Variants in TMEM63C observed in about 807,000 individuals in gnomAD.
The protein encoded by TMEM63C is osmosensitive cation channel TMEM63C.
In TMEM63C, 32 loss-of-function variants were observed where a neutral mutation model predicts 99.2. That is an observed-to-expected ratio of 0.32 (90% CI 0.24 to 0.43). TMEM63C has a LOEUF of 0.43. Ranked by LOEUF, TMEM63C falls within the 20% of genes least tolerant of loss-of-function variation. The pLI, the probability that TMEM63C is intolerant of heterozygous loss-of-function variation, is 1.00. For synonymous variants in TMEM63C, 376 were observed against 397.9 expected (o/e 0.94, Z 0.66); for missense variants, 826 against 1,053.0 (o/e 0.78, Z 2.98).
intron 1 of TMEM63C, among the ~76,000 whole-genome samples, chr14:77,194,133 ATATC>A (rs943925567): frequency 2.5e-4 from 38 of 152,378 alleles, no homozygotes; most frequent in African/African-American, 7.9e-4. Context: ...AATAACCTAA[ATATC>A]AATCAACAAG....
In TMEM63C at chr14:77,194,531, TTCTTTCTTTCTTTCTTTCTTTCTC is replaced by T. The variant is rs1566616272; in HGVS notation, c.-77+12639_-77+12662del. 1.3e-3 allele frequency among the ~76,000 whole-genome samples: 56 copies of T among 43,488 alleles called. 1 individual carries two copies. Among genetic ancestry groups the T allele is most frequent in the African/African-American group, 6.1e-3 (53 of 8,674 alleles). The allele number at this position is 43,488 out of a possible 152,430, so 28.5% of individuals were successfully genotyped here. ...TTTCTTTCTTTCTTTCTTTCTTTCTTTCTTTCTTTCTTTCTTTCTTTCTCTTTCTTTCTTTCTGTCTTTCTTTCT... is the reference window on the plus strand; with the variant it reads ...TTTCTTTCTTTCTTTCTTTCTTTCTTTTTCTTTCTTTCTGTCTTTCTTTCT... On this transcript the variant is annotated intron_variant, in intron 1 of 23. Transcript: ENST00000298351.
intron 23 of TMEM63C, 32 bp downstream of exon 23, chr14:77,253,408 G>A: frequency 6.3e-7 from 1 of 1,580,724 alleles, no homozygotes; most frequent in South Asian, 1.2e-5. Flanking sequence ...CAGGTTGGGA[G>A]GGTGGTGCTT....
chr14:77,219,644 G>T lies in TMEM63C; in HGVS notation c.230+67G>T. The stretch of plus-strand genomic sequence containing the variant: ...GAAAACCTGTTGCCATGGCCAGGAC[G>T]CAGCTCTGCCCAGCGCCCGAGCTGC... On this transcript the variant is annotated intron_variant, in intron 4 of 23. Coordinates refer to ENST00000298351, the MANE Select transcript of TMEM63C (RefSeq NM_020431.4). 3.3e-6 allele frequency: 5 copies of T among 1,533,798 alleles called. No individual in the cohort carries two copies. In the South Asian group the frequency reaches 5.6e-5, roughly 17 times the overall value.
intron 6 of TMEM63C, among the ~76,000 whole-genome samples, chr14:77,226,767 ATTTT>A (rs10709163): frequency 2.4e-4 from 31 of 129,470 alleles, no homozygotes; most frequent in Admixed American, 4.7e-4. Flanking sequence ...ATCAGTTGGG[ATTTT>A]TTTTTTTTTT....
At chr14:77,193,640 G>A (rs1232306351) in intron 1 of TMEM63C, among the ~76,000 whole-genome samples, 1 of 152,140 alleles carries the variant, frequency 6.6e-6, no homozygotes, top group East Asian at 1.9e-4. Flanking sequence ...TTTGAGAGCA[G>A]CCTGACCAAC....
chr14:77,196,653 C>G (rs536149452), intron 1 of TMEM63C, among the ~76,000 whole-genome samples: 30 of 152,312 alleles, frequency 2.0e-4, no homozygotes, highest in African/African-American at 7.0e-4. Context: ...GACACTTTAT[C>G]CTCTAGGAAA....
At chr14:77,236,512 G>T in intron 8 of TMEM63C, 112 bp from the exon 9 acceptor site, 1 of 711,544 alleles carries the variant, frequency 1.4e-6, no homozygotes, top group East Asian at 2.7e-5. Flanking sequence ...AGACTGTGAT[G>T]GGCTGGGGGG....
intron 13 of TMEM63C, 98 bp from the exon 14 acceptor site, chr14:77,242,249 G>A (rs1264086402): frequency 7.3e-7 from 1 of 1,378,846 alleles, no homozygotes; most frequent in Non-Finnish European, 1.0e-6. Flanking sequence ...CCATCTGTAG[G>A]ACCACCATAG....
chr14:77,240,586 C>A lies in TMEM63C; in HGVS notation c.1042C>A (p.Gln348Lys), dbSNP rs1198937253. 2.5e-6 allele frequency: 4 copies of A among 1,610,408 alleles called. No homozygotes were observed. The highest frequency in any genetic ancestry group is 3.4e-6 in the Non-Finnish European group (4 of 1,179,864). Residue 348 changes from glutamine to lysine, a missense_variant, in exon 13 of 24, where the codon CAG becomes AAG. Physicochemically the swap from Gln to Lys is moderately conservative, Grantham distance 53. Coordinates refer to ENST00000298351, the MANE Select transcript of TMEM63C (RefSeq NM_020431.4). ...KRLDLIFVTFQDSRMAKRVRK... is the reference protein window; with the variant it reads ...KRLDLIFVTFKDSRMAKRVRK... ...GCTGGACCTGATCTTTGTCACCTTC[C>A]AGGACTCCAGGATGGCCAAGCGGTG...
rs1174190788 is a variant in TMEM63C at position 77,184,834 on chromosome 14, G to A, written c.-77+2940G>A. 2.0e-5 allele frequency among the ~76,000 whole-genome samples: 3 copies of A among 152,302 alleles called. No homozygotes were observed. In the East Asian group the frequency reaches 5.8e-4, roughly 29 times the overall value. ...TTACAGGAGGAGCTGAGATGAGAAC[G>A]TGGGCAGCTCACGAAGTATGGTGTG... On this transcript the variant is annotated intron_variant, in intron 1 of 23. Coordinates refer to ENST00000298351, the MANE Select transcript of TMEM63C (RefSeq NM_020431.4).
In TMEM63C at chr14:77,229,188, G is replaced by C. The variant is rs1260981144; in HGVS notation, c.351-2400G>C. 2.6e-5 allele frequency among the ~76,000 whole-genome samples: 4 copies of C among 152,024 alleles called. No individual in the cohort carries two copies. In the East Asian group the frequency reaches 7.8e-4, roughly 30 times the overall value. ...GGAGGCCAAAGCGGGCAGATCATTT[G>C]AGATCAGGAGTTTGAGACCAACCTG... On this transcript the variant is annotated intron_variant, in intron 6 of 23. Transcript: ENST00000298351.
intron 16 of TMEM63C, among the ~76,000 whole-genome samples, chr14:77,245,411 G>A (rs900129935): frequency 6.6e-6 from 1 of 152,160 alleles, no homozygotes; most frequent in African/African-American, 2.4e-5. Context: ...GTCTGTATTA[G>A]CCAGTTTTCA....
chr14:77,194,093 C>A (rs953838403), intron 1 of TMEM63C, among the ~76,000 whole-genome samples: 7 of 152,198 alleles, frequency 4.6e-5, no homozygotes, highest in Non-Finnish European at 8.8e-5. Flanking sequence ...ATGTTGATTA[C>A]AGCTTTGCTT....
chr14:77,195,030 G>A (rs1888192436), intron 1 of TMEM63C, among the ~76,000 whole-genome samples: 1 of 152,044 alleles, frequency 6.6e-6, no homozygotes, highest in Non-Finnish European at 1.5e-5. Context: ...GAGGCGAGAG[G>A]ATCAATTGAG....
At chr14:77,194,685 C>T (rs906640522) in intron 1 of TMEM63C, among the ~76,000 whole-genome samples, 1 of 151,706 alleles carries the variant, frequency 6.6e-6, no homozygotes, top group Non-Finnish European at 1.5e-5. Flanking sequence ...GTAATTCTCC[C>T]ACCTCAGCTT....
intron 1 of TMEM63C, among the ~76,000 whole-genome samples, chr14:77,186,099 C>T (rs1887989398): frequency 6.6e-6 from 1 of 152,000 alleles, no homozygotes; most frequent in Admixed American, 6.6e-5. Context: ...GCAACCTCTG[C>T]CTCCCAGGTT....
chr14:77,222,585 G>A (rs1253330881), intron 5 of TMEM63C, among the ~76,000 whole-genome samples: 1 of 152,068 alleles, frequency 6.6e-6, no homozygotes, highest in East Asian at 1.9e-4. Context: ...TGGTAGTTTG[G>A]TCCATCCTCC....
At chr14:77,189,486 T>G (rs924709610) in intron 1 of TMEM63C, among the ~76,000 whole-genome samples, 1 of 152,170 alleles carries the variant, frequency 6.6e-6, no homozygotes, top group African/African-American at 2.4e-5. Flanking sequence ...TAATTTCTGT[T>G]GCAATGCCTA....
At chr14:77,246,975 G>A (rs2140129902) in intron 18 of TMEM63C, among the ~76,000 whole-genome samples, 1 of 152,208 alleles carries the variant, frequency 6.6e-6, no homozygotes, top group South Asian at 2.1e-4. Context: ...TTCCCCCAAT[G>A]GAAGCACTGT....
Sources: allele counts gnomAD v4.1 joint callset (sites outside exome capture counted in the v4.1 genomes callset), GRCh38; gene constraint gnomAD v4.1.1; transcripts MANE v1.5; gene names NCBI Gene and HGNC (gene_info 2026-07-23, HGNC 2026-07-21).